SHISA7: variants seen among roughly 807,000 people sequenced by gnomAD.
The protein encoded by SHISA7 is shisa family member 7.
SHISA7 carries 6 observed loss-of-function variants against 23.9 expected under a neutral mutation model. The observed-to-expected ratio is 0.25, with a 90% CI of 0.14 to 0.50. SHISA7 has a LOEUF of 0.50. Among genes scored for constraint, SHISA7 ranks in the 20% least tolerant of loss-of-function variants. SHISA7 has a pLI of 0.98. For synonymous variants in SHISA7, 386 were observed against 398.3 expected (o/e 0.97, Z 0.37); for missense variants, 671 against 801.1 (o/e 0.84, Z 1.96).
At position 55,437,698 on chromosome 19, in the gene SHISA7, A is replaced by C; in HGVS notation, c.883T>G (p.Ser295Ala). ...TGCGAGAGGTTGTGGAAGGACCGAGAGCAGGACAGCGTGGAGTAGTGCAAG... is the reference window on the plus strand; with the variant it reads ...TGCGAGAGGTTGTGGAAGGACCGAGCGCAGGACAGCGTGGAGTAGTGCAAG... ...PSLHYSTLSC[S>A]RSFHNLSHLP... The change falls in exon 3 of 4, where the codon TCT (serine) becomes GCT (alanine). Residue 295 changes from serine (S) to alanine (A), a missense_variant. By Grantham distance (99) the Ser-to-Ala change is moderately conservative (BLOSUM62 1). Coordinates refer to ENST00000376325, the MANE Select transcript of SHISA7 (RefSeq NM_001145176.2). 6.4e-7 allele frequency: 1 copy of C among 1,551,454 alleles called. No individual in the cohort carries two copies. The highest frequency in any genetic ancestry group is 1.2e-5 in the South Asian group (1 of 84,058).
chr19:55,434,615 T>G (rs1446338853), intron 3 of SHISA7, among the ~76,000 whole-genome samples: 2 of 102,780 alleles, frequency 1.9e-5, no homozygotes, highest in Admixed American at 1.1e-4. Flanking sequence ...GTGTGTGGTA[T>G]GGCGTGTGTG....
intron 3 of SHISA7, among the ~76,000 whole-genome samples, chr19:55,435,285 GTA>G (rs1445038274): frequency 1.5e-5 from 2 of 131,606 alleles, no homozygotes; most frequent in East Asian, 2.4e-4. Context: ...GTGCGTGTGT[GTA>G]TATGTGGTGT....
At chr19:55,435,253 T>C (rs548137922) in intron 3 of SHISA7, among the ~76,000 whole-genome samples, 146 of 129,680 alleles carry the variant, frequency 1.1e-3, no homozygotes, top group Admixed American at 2.8e-3. Flanking sequence ...TGCGTGTGTG[T>C]GGTGTGTATG....
intron 2 of SHISA7, among the ~76,000 whole-genome samples, chr19:55,439,575 GTCACCAACCACCCTC>G (rs1430175644): frequency 1.3e-5 from 2 of 152,184 alleles, no homozygotes; most frequent in East Asian, 3.8e-4. Context: ...CCTCTCTGAG[GTCACCAACCACCCTC>G]TCCCTGGCCT....
intron 3 of SHISA7, among the ~76,000 whole-genome samples, chr19:55,434,481 T>C (rs1985322713): frequency 1.7e-5 from 2 of 115,672 alleles, no homozygotes; most frequent in Non-Finnish European, 3.6e-5. Flanking sequence ...GTGTATGGTG[T>C]GTGTGTGGTG....
At chr19:55,434,837 T>TGG (rs879333792) in intron 3 of SHISA7, among the ~76,000 whole-genome samples, 1 of 97,480 alleles carries the variant, frequency 1.0e-5, no homozygotes, top group East Asian at 3.5e-4. Context: ...GTGTGGTGTG[T>TGG]GGTGTGTGTG....
intron 3 of SHISA7, among the ~76,000 whole-genome samples, chr19:55,435,396 T>G (rs1478161730): frequency 3.0e-5 from 2 of 67,562 alleles, no homozygotes; most frequent in African/African-American, 6.1e-5. Flanking sequence ...GGTGTGTGTG[T>G]GTGGGTGTGT....
intron 3 of SHISA7, among the ~76,000 whole-genome samples, chr19:55,435,287 A>G (rs1318066599): frequency 2.4e-5 from 2 of 83,088 alleles, no homozygotes; most frequent in African/African-American, 1.0e-4. Flanking sequence ...GCGTGTGTGT[A>G]TATGTGGTGT....
Position 55,433,046 on chromosome 19 carries a change from C to G in SHISA7, c.*110G>C. On this transcript the variant is annotated 3_prime_UTR_variant, in exon 4 of 4. Transcript: ENST00000376325. The surrounding 1 kb of genome is among the most constrained non-coding windows in gnomAD (Gnocchi z 8.4). ...CCAGAAGGAGGCTTTCACTCCTGTC[C>G]AAGGGCCGATCTGGGCCCCAGGCCC... 2.3e-6 allele frequency: 3 copies of G among 1,323,284 alleles called. No individual in the cohort carries two copies. Among genetic ancestry groups the G allele is most frequent in the African/African-American group, 3.1e-5 (2 of 64,174 alleles). 82.0% of individuals were successfully genotyped at this position (1,323,284 alleles called of 1,614,324 possible). A position where few individuals can be genotyped will look rare whatever the true frequency, so the allele number is the denominator to read the frequency against.
At chr19:55,441,605 C>T (rs574693179) in intron 1 of SHISA7, among the ~76,000 whole-genome samples, 2 of 152,362 alleles carry the variant, frequency 1.3e-5, no homozygotes, top group South Asian at 4.1e-4. Flanking sequence ...TCTAATCCAG[C>T]GCCCTCTCTC....
At chr19:55,435,122 G>GT (rs1985406109) in intron 3 of SHISA7, among the ~76,000 whole-genome samples, 1 of 115,034 alleles carries the variant, frequency 8.7e-6, no homozygotes, top group African/African-American at 3.2e-5. Context: ...TGGTGTGTGT[G>GT]GTGTGTGTGG....
chr19:55,435,710 G>C (rs915419476), intron 3 of SHISA7, among the ~76,000 whole-genome samples: 1 of 150,678 alleles, frequency 6.6e-6, no homozygotes, highest in Non-Finnish European at 1.5e-5. Context: ...CCTGCAGTGA[G>C]CCATGATTAC....
At chr19:55,439,454 G>A (rs1473119396) in intron 2 of SHISA7, among the ~76,000 whole-genome samples, 1 of 152,124 alleles carries the variant, frequency 6.6e-6, no homozygotes, top group Non-Finnish European at 1.5e-5. Context: ...CAGAGGACCG[G>A]TTCTACCACC....
chr19:55,440,630 G>A lies in SHISA7; in HGVS notation c.807C>T (p.Thr269=), dbSNP rs1010395714. 6.4e-6 allele frequency: 8 copies of A among 1,249,620 alleles called. No homozygotes were observed. The highest frequency in any genetic ancestry group is 2.1e-4 in the Middle Eastern group (1 of 4,862). 77.4% of individuals were successfully genotyped at this position (1,249,620 alleles called of 1,614,324 possible). The change falls in exon 2 of 4, where the codon ACC becomes ACT. Residue 269 remains threonine, a synonymous_variant. Coordinates refer to ENST00000376325, the MANE Select transcript of SHISA7 (RefSeq NM_001145176.2). ...ACTCACCGAGGTTGGGGGTCTTCAC[G>A]GTGTTGTAGAGGTTCTTGGGCGTCC... ...PPRTPKNLYN[T]VKTPNLDWRA... is the part of the protein sequence containing the mutation.
In SHISA7 at chr19:55,437,769, G is replaced by A; in HGVS notation, c.827-15C>T. On this transcript the variant is annotated splice_polypyrimidine_tract_variant and intron_variant, in intron 2 of 3. Coordinates refer to ENST00000376325, the MANE Select transcript of SHISA7 (RefSeq NM_001145176.2). ...GGCTCGCCAGTCTGGGTTAGAGGGG[G>A]CAGGGCCAGGGTCAGTCAGCTTCCT... 3 of 1,547,268 alleles carry A rather than the reference G, an allele frequency of 1.9e-6. No individual in the cohort carries two copies. The highest frequency in any genetic ancestry group is 2.6e-6 in the Non-Finnish European group (3 of 1,145,082).
intron 3 of SHISA7, among the ~76,000 whole-genome samples, chr19:55,435,082 TGTGTGTG>T (rs1985398380): frequency 1.9e-5 from 1 of 51,372 alleles, no homozygotes; most frequent in Non-Finnish European, 3.8e-5. Context: ...GTGTGTGTGG[TGTGTGTG>T]GTGTGTGTGT....
rs140953995 is a variant in SHISA7, at chr19:55,435,364, GGTGT to G, written c.977-1572_977-1569del. 4.3e-3 allele frequency among the ~76,000 whole-genome samples: 433 copies of G among 99,786 alleles called. 3 individuals are homozygous for G. Among genetic ancestry groups the G allele is most frequent in the African/African-American group, 0.015 (406 of 26,334 alleles). 65.5% of individuals were successfully genotyped at this position (99,786 alleles called of 152,430 possible). A position where few individuals can be genotyped will look rare whatever the true frequency, so the allele number is the denominator to read the frequency against. ...TGTATGGTGTGTATGGTGTGTGTGT[GGTGT>G]GTGTGTGGTGTATATGTGGTGTGTG... On this transcript the variant is annotated intron_variant, in intron 3 of 3. Coordinates refer to ENST00000376325, the MANE Select transcript of SHISA7 (RefSeq NM_001145176.2).
At position 55,442,213 on chromosome 19, in the gene SHISA7, G is replaced by C. The variant is rs1482690542; in HGVS notation, c.651C>G (p.His217Gln). Residue 217 changes from histidine to glutamine, a missense_variant, in exon 1 of 4, where the codon CAC (histidine) becomes CAG (glutamine). Coordinates refer to ENST00000376325, the MANE Select transcript of SHISA7 (RefSeq NM_001145176.2). ...FSKASRAPRA[H>Q]RDINVPRALV... ...CGCACCTGGGCACGTTGATATCCCGGTGCGCCCGGGGCGCACGGGACGCCT... is the reference window on the plus strand; with the variant it reads ...CGCACCTGGGCACGTTGATATCCCGCTGCGCCCGGGGCGCACGGGACGCCT... The C allele has an allele frequency of 6.5e-7, 1 of 1,533,952 alleles. No individual in the cohort carries two copies. Among genetic ancestry groups the C allele is most frequent in the Admixed American group, 2.0e-5 (1 of 50,908 alleles).
intron 2 of SHISA7, among the ~76,000 whole-genome samples, chr19:55,438,303 G>A (rs1384484838): frequency 1.3e-5 from 2 of 152,330 alleles, no homozygotes; most frequent in East Asian, 1.9e-4. Context: ...CAAGAGGGGG[G>A]TACTGGGCAT....
Sources: allele counts gnomAD v4.1 joint callset (sites outside exome capture counted in the v4.1 genomes callset), GRCh38; gene constraint gnomAD v4.1.1; non-coding constraint Gnocchi (gnomAD v3.1); transcripts MANE v1.5; gene names NCBI Gene and HGNC (gene_info 2026-07-23, HGNC 2026-07-21).